The following USP13 variants were observed in gnomAD, a reference collection of about 807,000 sequenced individuals.
USP13 encodes ubiquitin carboxyl-terminal hydrolase 13.
USP13 carries 68 observed loss-of-function variants against 107.8 expected under a neutral mutation model. The ratio of observed to expected loss-of-function variants is 0.63; its 90% CI spans 0.52 to 0.77. The LOEUF is 0.77. Ranked by LOEUF, USP13 falls within the 30% of genes least tolerant of loss-of-function variation. USP13 has a pLI of 0.00. For synonymous variants in USP13, 377 were observed against 389.5 expected (o/e 0.97, Z 0.38); for missense variants, 945 against 1,093.3 (o/e 0.86, Z 1.91).
At chr3:179,741,677 TG>T (rs1475351439) in intron 11 of USP13, among the ~76,000 whole-genome samples, 1 of 152,230 alleles carries the variant, frequency 6.6e-6, no homozygotes, top group Non-Finnish European at 1.5e-5. Flanking sequence ...GTTCACAGGT[TG>T]GCATCTGCCC....
At position 179,763,916 on chromosome 3, in the gene USP13, A is replaced by G. The variant is rs1715086098; in HGVS notation, c.2093-86A>G. 4.2e-6 allele frequency: 6 copies of G among 1,445,500 alleles called. No homozygotes were observed. In the East Asian group the frequency reaches 1.2e-4, roughly 30 times the overall value. The allele number at this position is 1,445,500 out of a possible 1,614,324, so 89.5% of individuals were successfully genotyped here. A position where few individuals can be genotyped will look rare whatever the true frequency, so the allele number is the denominator to read the frequency against. ...TGTCTTGATTATTATAACTTTGTAG[A>G]ATCATGTTTTTCCTTGTTAGTGTTG... is the stretch of plus-strand genomic sequence containing the variant. On this transcript the variant is annotated intron_variant, in intron 17 of 20. Coordinates refer to ENST00000263966, the MANE Select transcript of USP13 (RefSeq NM_003940.3).
chr3:179,760,962 A>T, intron 16 of USP13, 150 bp from the exon 17 acceptor site: 1 of 1,018,360 alleles, frequency 9.8e-7, no homozygotes, highest in Non-Finnish European at 1.4e-6. Flanking sequence ...TGTGTGGCTT[A>T]AAACAAAACT....
chr3:179,733,377 G>T (rs1713872038), intron 10 of USP13, among the ~76,000 whole-genome samples: 1 of 152,152 alleles, frequency 6.6e-6, no homozygotes, highest in South Asian at 2.1e-4. Context: ...TTTCCTTGTG[G>T]CCCTGGGGGT....
intron 19 of USP13, among the ~76,000 whole-genome samples, chr3:179,778,253 GA>G (rs1043500223): frequency 6.6e-6 from 1 of 152,056 alleles, no homozygotes; most frequent in African/African-American, 2.4e-5. Flanking sequence ...ACTATAAGAA[GA>G]TACAAAACAA....
chr3:179,699,478 G>C lies in USP13; in HGVS notation c.356-1530G>C, dbSNP rs1712431848. On this transcript the variant is annotated intron_variant, in intron 3 of 20. Coordinates refer to ENST00000263966, the MANE Select transcript of USP13 (RefSeq NM_003940.3). ...TTTAATCCCAGCATTTTGAGATGCT[G>C]AGGTGGGGGGATTGCTTGAGGCAAG... Among the ~76,000 whole-genome samples the C allele has an allele frequency of 2.0e-5, 3 of 152,082 alleles. No homozygotes were observed. The South Asian group carries it at 6.2e-4, about 31-fold the overall frequency.
chr3:179,669,453 C>T (rs1401455128), intron 1 of USP13, among the ~76,000 whole-genome samples: 6 of 151,026 alleles, frequency 4.0e-5, no homozygotes, highest in South Asian at 4.2e-4. Context: ...AGCAAGACTC[C>T]GTCTCAAAAA....
intron 2 of USP13, among the ~76,000 whole-genome samples, chr3:179,684,832 A>C (rs1383891809): frequency 1.4e-5 from 2 of 145,186 alleles, no homozygotes; most frequent in Middle Eastern, 3.5e-3. Flanking sequence ...TTTTTCCAGA[A>C]TTTTCCTGGG....
rs1713295014 is a variant in USP13 at position 179,721,011 on chromosome 3, G to C, written c.901-391G>C. Among the ~76,000 whole-genome samples the C allele has an allele frequency of 6.6e-6, 1 of 152,086 alleles. No individual in the cohort carries two copies. Among genetic ancestry groups the C allele is most frequent in the Non-Finnish European group, 1.5e-5 (1 of 68,008 alleles). Reference sequence around the variant, plus strand: ...TTTAGTAGAGACGGGGTTTTGCTATGTTGCTCAGGTGGGTCTCGAACTCCT... The same window carrying C: ...TTTAGTAGAGACGGGGTTTTGCTATCTTGCTCAGGTGGGTCTCGAACTCCT... On this transcript the variant is annotated intron_variant, in intron 7 of 20. Coordinates refer to ENST00000263966, the MANE Select transcript of USP13 (RefSeq NM_003940.3). This position sits in a 1 kb window ranked among gnomAD's most constrained non-coding sequence, Gnocchi z 4.3.
intron 13 of USP13, among the ~76,000 whole-genome samples, chr3:179,747,946 T>A (rs1450953507): frequency 1.3e-5 from 2 of 152,204 alleles, no homozygotes; most frequent in Non-Finnish European, 2.9e-5. Context: ...GCCTTTTATA[T>A]ACATGAGAAG....
At chr3:179,725,869 C>T (rs982015206) in intron 8 of USP13, among the ~76,000 whole-genome samples, 5 of 152,166 alleles carry the variant, frequency 3.3e-5, no homozygotes, top group African/African-American at 1.2e-4. Flanking sequence ...AGTCTGTTCT[C>T]ATGCTGCTAA....
chr3:179,684,270 T>TACACACACAC (rs58817778), intron 2 of USP13, among the ~76,000 whole-genome samples: 1,303 of 115,970 alleles, frequency 0.011, 21 homozygotes, highest in East Asian at 0.027. Context: ...TATCACCCTT[T>TACACACACAC]ACACACACAC....
chr3:179,710,903 AAGAT>A (rs906503625), intron 6 of USP13, among the ~76,000 whole-genome samples: 1 of 152,208 alleles, frequency 6.6e-6, no homozygotes, highest in Non-Finnish European at 1.5e-5. Context: ...CATGGTATAA[AAGAT>A]AGAAAATGGT....
Position 179,711,895 on chromosome 3 carries a change from G to A in USP13, c.805+2938G>A, listed in dbSNP as rs148302613. On this transcript the variant is annotated intron_variant, in intron 6 of 20. Transcript: ENST00000263966. Reference sequence around the variant, plus strand: ...TATTATCAAGAATTATGTACTGTACGTAAAACCATATGTGCTATACTTATA... The same window carrying A: ...TATTATCAAGAATTATGTACTGTACATAAAACCATATGTGCTATACTTATA... Among the ~76,000 whole-genome samples, 495 of 152,250 alleles carry A rather than the reference G, an allele frequency of 3.3e-3. 1 individual carries two copies. The highest frequency in any genetic ancestry group is 6.1e-3 in the Non-Finnish European group (413 of 68,032).
intron 8 of USP13, among the ~76,000 whole-genome samples, chr3:179,726,961 C>G (rs1713542314): frequency 6.6e-6 from 1 of 151,938 alleles, no homozygotes; most frequent in Admixed American, 6.6e-5. Flanking sequence ...TTACAGGTGG[C>G]TTGGAGACTT....
rs182390110 is a variant in USP13 at position 179,721,338 on chromosome 3, C to T, written c.901-64C>T. Reference sequence around the variant, plus strand: ...ATCCTATGCTGTTAGAAATAATTAACGGGACATGACCTTTGAATGGGAATC... The same window carrying T: ...ATCCTATGCTGTTAGAAATAATTAATGGGACATGACCTTTGAATGGGAATC... On this transcript the variant is annotated intron_variant, in intron 7 of 20. Coordinates refer to ENST00000263966, the MANE Select transcript of USP13 (RefSeq NM_003940.3). This position sits in a 1 kb window ranked among gnomAD's most constrained non-coding sequence, Gnocchi z 4.3. 292 of 1,517,218 alleles carry T rather than the reference C, an allele frequency of 1.9e-4. No homozygotes were observed. The African/African-American group carries it at 3.6e-3, about 19-fold the overall frequency. The allele number at this position is 1,517,218 out of a possible 1,614,324, so 94.0% of individuals were successfully genotyped here.
At chr3:179,684,141 A>G (rs1229195421) in intron 2 of USP13, among the ~76,000 whole-genome samples, 2 of 151,586 alleles carry the variant, frequency 1.3e-5, no homozygotes, top group Non-Finnish European at 2.9e-5. Context: ...TTGTATTTTT[A>G]GTAGAGACAG....
intron 1 of USP13, among the ~76,000 whole-genome samples, chr3:179,676,490 T>C (rs2108448717): frequency 6.6e-6 from 1 of 152,282 alleles, no homozygotes; most frequent in South Asian, 2.1e-4. Context: ...CTTAGCTTGA[T>C]TGTGGGCTGT....
chr3:179,778,196 T>G (rs1413046644), intron 19 of USP13, among the ~76,000 whole-genome samples: 1 of 152,198 alleles, frequency 6.6e-6, no homozygotes. Context: ...TTTCACCAGT[T>G]TATACCCCAA....
intron 6 of USP13, among the ~76,000 whole-genome samples, chr3:179,709,869 C>G (rs1281817662): frequency 6.6e-6 from 1 of 151,894 alleles, no homozygotes; most frequent in East Asian, 1.9e-4. Flanking sequence ...TCTCTTTTTT[C>G]TCTGTTATTT....
Sources: allele counts gnomAD v4.1 joint callset (sites outside exome capture counted in the v4.1 genomes callset), GRCh38; gene constraint gnomAD v4.1.1; non-coding constraint Gnocchi (gnomAD v3.1); transcripts MANE v1.5; gene names NCBI Gene and HGNC (gene_info 2026-07-23, HGNC 2026-07-21).